NELL1: variants seen among roughly 807,000 people sequenced by gnomAD.
The protein encoded by NELL1 is protein kinase C-binding protein NELL1.
A neutral mutation model predicts 107.4 loss-of-function variants in NELL1; 76 were observed. That is an observed-to-expected ratio of 0.71 (90% CI 0.59 to 0.86). The LOEUF (loss-of-function observed/expected upper bound fraction) is 0.86. Ranked by LOEUF, NELL1 falls within the 40% of genes least tolerant of loss-of-function variation. NELL1 has a pLI of 0.00. For synonymous variants in NELL1, 353 were observed against 341.2 expected, an observed-to-expected ratio of 1.03 and a Z score of -0.38; for missense variants, 1,024 against 1,005.5, an observed-to-expected ratio of 1.02 and a Z score of -0.25.
At chr11:21,558,171 T>C (rs1856766701) in intron 16 of NELL1, among the ~76,000 whole-genome samples, 1 of 151,938 alleles carries the variant, frequency 6.6e-6, no homozygotes, top group Non-Finnish European at 1.5e-5. Flanking sequence ...CCTCATTCCC[T>C]ATAGGACAAG....
intron 15 of NELL1, among the ~76,000 whole-genome samples, chr11:21,406,448 C>G (rs1391907060): frequency 6.6e-6 from 1 of 151,922 alleles, no homozygotes; most frequent in African/African-American, 2.4e-5. Flanking sequence ...ATTATTGTCT[C>G]CCAGTTATGA....
At chr11:20,929,485 T>G (rs1850571842) in intron 9 of NELL1, among the ~76,000 whole-genome samples, 1 of 151,930 alleles carries the variant, frequency 6.6e-6, no homozygotes, top group Admixed American at 6.6e-5. Context: ...CTCTGGGGGA[T>G]GTACTTGGAG....
intron 3 of NELL1, among the ~76,000 whole-genome samples, chr11:20,787,925 A>G (rs148761308): frequency 1.3e-5 from 2 of 152,218 alleles, no homozygotes; most frequent in Non-Finnish European, 2.9e-5. Context: ...AGATTTGCCT[A>G]TTTTGGTTAT....
intron 2 of NELL1, among the ~76,000 whole-genome samples, chr11:20,771,300 A>T (rs1356548576): frequency 6.6e-6 from 1 of 152,112 alleles, no homozygotes; most frequent in Non-Finnish European, 1.5e-5. Context: ...TTCTGGGGTG[A>T]AATATTGCTG....
intron 15 of NELL1, among the ~76,000 whole-genome samples, chr11:21,473,590 T>C (rs754514534): frequency 1.3e-5 from 2 of 152,046 alleles, no homozygotes; most frequent in Non-Finnish European, 2.9e-5. Flanking sequence ...ACTTCAAATA[T>C]TCCCTCAGAA....
At chr11:21,438,968 A>G (rs1331173458) in intron 15 of NELL1, among the ~76,000 whole-genome samples, 1 of 151,842 alleles carries the variant, frequency 6.6e-6, no homozygotes, top group Non-Finnish European at 1.5e-5. Flanking sequence ...TGTGAGGTTG[A>G]CTCATGAGAG....
intron 2 of NELL1, among the ~76,000 whole-genome samples, chr11:20,782,846 AC>A (rs988795481): frequency 6.6e-6 from 1 of 152,158 alleles, no homozygotes; most frequent in Non-Finnish European, 1.5e-5. Context: ...ATGAGATAAC[AC>A]CCAGTTTATC....
chr11:20,764,174 CTTT>C (rs1461770015), intron 2 of NELL1, among the ~76,000 whole-genome samples: 1 of 152,090 alleles, frequency 6.6e-6, no homozygotes, highest in Non-Finnish European at 1.5e-5. Context: ...CTATCCAGAA[CTTT>C]TTTATTTTGC....
intron 17 of NELL1, among the ~76,000 whole-genome samples, chr11:21,567,802 T>A (rs1377844396): frequency 6.6e-6 from 1 of 151,766 alleles, no homozygotes; most frequent in Non-Finnish European, 1.5e-5. Context: ...GTAAATGACA[T>A]AAATAACATT....
chr11:21,045,659 C>G (rs1044783082), intron 12 of NELL1, among the ~76,000 whole-genome samples: 1 of 152,074 alleles, frequency 6.6e-6, no homozygotes, highest in East Asian at 1.9e-4. Context: ...TTCTTGACCA[C>G]CTCCTCATTT....
chr11:21,021,417 T>C (rs1448597053), intron 12 of NELL1, among the ~76,000 whole-genome samples: 1 of 152,134 alleles, frequency 6.6e-6, no homozygotes, highest in Non-Finnish European at 1.5e-5. Context: ...CTCATTCTCT[T>C]TCAAGGAACT....
intron 15 of NELL1, among the ~76,000 whole-genome samples, chr11:21,407,982 T>G (rs747292432): frequency 6.6e-6 from 1 of 151,980 alleles, no homozygotes; most frequent in Non-Finnish European, 1.5e-5. Context: ...AATATGCTTC[T>G]TATATGTTTC....
At chr11:21,549,916 A>C in intron 16 of NELL1, among the ~76,000 whole-genome samples, 1 of 140,344 alleles carries the variant, frequency 7.1e-6, no homozygotes. Flanking sequence ...GGTGAATAAA[A>C]GAGTGGAAAA....
At chr11:21,329,780 T>C (rs190860946) in intron 14 of NELL1, among the ~76,000 whole-genome samples, 1 of 152,270 alleles carries the variant, frequency 6.6e-6, no homozygotes, top group East Asian at 1.9e-4. Context: ...GCTTACCATA[T>C]GTACCTAATG....
intron 12 of NELL1, among the ~76,000 whole-genome samples, chr11:21,081,865 T>C (rs1854277816): frequency 6.6e-6 from 1 of 152,174 alleles, no homozygotes; most frequent in African/African-American, 2.4e-5. Context: ...GGTTATCTCA[T>C]TTATTTTTCA....
chr11:20,787,328 A>C (rs1337128048), intron 3 of NELL1, among the ~76,000 whole-genome samples: 1 of 152,088 alleles, frequency 6.6e-6, no homozygotes, highest in African/African-American at 2.4e-5. Flanking sequence ...GAAAATAGAG[A>C]AGAATATATA....
intron 12 of NELL1, among the ~76,000 whole-genome samples, chr11:21,023,758 A>G (rs1479799243): frequency 2.0e-5 from 3 of 152,110 alleles, no homozygotes; most frequent in Non-Finnish European, 4.4e-5. Flanking sequence ...TACTGGCTCC[A>G]GCCCCCACCT....
At chr11:20,887,177 T>G (rs1474434011) in intron 5 of NELL1, among the ~76,000 whole-genome samples, 1 of 152,234 alleles carries the variant, frequency 6.6e-6, no homozygotes, top group Non-Finnish European at 1.5e-5. Flanking sequence ...TTCATTGTTT[T>G]CTATTGCTGA....
chr11:21,476,202 TA>T (rs1230801004), intron 15 of NELL1, among the ~76,000 whole-genome samples: 1 of 152,148 alleles, frequency 6.6e-6, no homozygotes, highest in East Asian at 1.9e-4. Context: ...AAAATAAACT[TA>T]TTAATTTTAG....
Sources: gnomAD v4.1 joint callset for allele counts (sites outside exome capture counted in the v4.1 genomes callset) on GRCh38, gnomAD v4.1.1 for gene constraint, MANE v1.5 for transcripts, NCBI Gene and HGNC (gene_info 2026-07-23, HGNC 2026-07-21) for gene names.